DEPDC1B: variants seen among roughly 807,000 people sequenced by gnomAD.
DEPDC1B encodes the protein DEP domain containing 1B.
DEPDC1B carries 51 observed loss-of-function variants against 66.5 expected under a neutral mutation model. The observed-to-expected ratio is 0.77, with a 90% CI of 0.61 to 0.97. The LOEUF (loss-of-function observed/expected upper bound fraction) is 0.97. Ranked by LOEUF, DEPDC1B falls within the 50% of genes least tolerant of loss-of-function variation. DEPDC1B has a pLI of 0.00. For synonymous variants in DEPDC1B, 226 were observed against 223.6 expected, an observed-to-expected ratio of 1.01 and a Z score of -0.10; for missense variants, 552 against 637.1, an observed-to-expected ratio of 0.87 and a Z score of 1.44.
At chr5:60,642,934 T>C (rs1267232296) in intron 5 of DEPDC1B, 75 bp from the exon 6 acceptor site, 6 of 1,132,968 alleles carry the variant, frequency 5.3e-6, no homozygotes, top group Non-Finnish European at 7.7e-6. Flanking sequence ...ATCATAAGAA[T>C]GTATTACTTG....
chr5:60,667,454 C>A (rs977215928), intron 2 of DEPDC1B, among the ~76,000 whole-genome samples: 136 of 142,154 alleles, frequency 9.6e-4, no homozygotes, highest in Non-Finnish European at 1.6e-3. Flanking sequence ...GGATATTTTA[C>A]ATATATACAA....
At chr5:60,638,406 T>C (rs1192896067) in intron 7 of DEPDC1B, among the ~76,000 whole-genome samples, 6 of 152,222 alleles carry the variant, frequency 3.9e-5, no homozygotes, top group African/African-American at 7.2e-5. Flanking sequence ...CATGAAGTCA[T>C]AGCCAGAATA....
chr5:60,686,788 C>A (rs1320855674), intron 2 of DEPDC1B, among the ~76,000 whole-genome samples, 174 bp downstream of exon 2: 1 of 152,188 alleles, frequency 6.6e-6, no homozygotes. Flanking sequence ...CAAGAAAAAT[C>A]CCAGCTGGTT....
Position 60,616,266 on chromosome 5 carries a change from G to C in DEPDC1B, c.899-10410C>G, listed in dbSNP as rs911188297. Reference sequence around the variant, plus strand: ...TCCTCCAAAGGAACGCAGCTCCTCAGCAGCAACAGAACAAAGCTGGATGGA... The same window carrying C: ...TCCTCCAAAGGAACGCAGCTCCTCACCAGCAACAGAACAAAGCTGGATGGA... On this transcript the variant is annotated intron_variant, in intron 7 of 10. Coordinates refer to ENST00000265036, the MANE Select transcript of DEPDC1B (RefSeq NM_018369.3). 6.7e-4 allele frequency among the ~76,000 whole-genome samples: 102 copies of C among 152,294 alleles called. 2 individuals are homozygous for C. The highest frequency in any genetic ancestry group is 2.4e-3 in the African/African-American group (101 of 41,562).
intron 4 of DEPDC1B, 143 bp downstream of exon 4, chr5:60,645,347 CTA>C (rs1224956372): frequency 2.6e-6 from 2 of 769,990 alleles, no homozygotes; most frequent in African/African-American, 1.8e-5. Flanking sequence ...TTCAGTTAAA[CTA>C]TGTTTGCTGA....
intron 10 of DEPDC1B, among the ~76,000 whole-genome samples, chr5:60,598,551 T>C (rs937543889): frequency 1.3e-5 from 2 of 152,146 alleles, no homozygotes; most frequent in African/African-American, 4.8e-5. Context: ...AAAAGTAACA[T>C]ATTGTGAGTT....
At chr5:60,643,470 C>T (rs548752168) in intron 5 of DEPDC1B, among the ~76,000 whole-genome samples, 2 of 152,198 alleles carry the variant, frequency 1.3e-5, no homozygotes, top group Non-Finnish European at 2.9e-5. Flanking sequence ...CCACGCCCTG[C>T]CACAGACATC....
At position 60,693,634 on chromosome 5, in the gene DEPDC1B, C is replaced by T. The variant is rs1482234689; in HGVS notation, c.49-6407G>A. 2.0e-5 allele frequency among the ~76,000 whole-genome samples: 3 copies of T among 152,112 alleles called. No homozygotes were observed. The East Asian group carries it at 5.8e-4, about 29-fold the overall frequency. On this transcript the variant is annotated intron_variant, in intron 1 of 10. Coordinates refer to ENST00000265036, the MANE Select transcript of DEPDC1B (RefSeq NM_018369.3). The stretch of plus-strand genomic sequence containing the variant: ...GCAGGATACACAACTTAGCAAATGT[C>T]ATTCAGGTACTTAGTCTGTGAATAA...
intron 7 of DEPDC1B, among the ~76,000 whole-genome samples, chr5:60,615,265 G>C (rs1752517634): frequency 6.6e-6 from 1 of 152,158 alleles, no homozygotes; most frequent in African/African-American, 2.4e-5. Context: ...TGACATAACG[G>C]GTTCATCTCA....
intron 2 of DEPDC1B, among the ~76,000 whole-genome samples, chr5:60,656,742 A>C (rs112166795): frequency 0.012 from 1,887 of 152,216 alleles, 16 homozygotes; most frequent in Non-Finnish European, 0.02. Flanking sequence ...AAACCATCAG[A>C]TCTCATGAGA....
At chr5:60,617,590 A>C (rs975087355) in intron 7 of DEPDC1B, among the ~76,000 whole-genome samples, 1 of 152,232 alleles carries the variant, frequency 6.6e-6, no homozygotes, top group African/African-American at 2.4e-5. Context: ...AGAGCTAACT[A>C]TCCTAAATAT....
intron 1 of DEPDC1B, among the ~76,000 whole-genome samples, chr5:60,696,240 T>C (rs973470211): frequency 6.6e-6 from 1 of 152,238 alleles, no homozygotes; most frequent in Non-Finnish European, 1.5e-5. Flanking sequence ...TCAGAATGGA[T>C]TAACTGCTCT....
At chr5:60,632,495 C>G (rs554244991) in intron 7 of DEPDC1B, among the ~76,000 whole-genome samples, 1 of 152,222 alleles carries the variant, frequency 6.6e-6, no homozygotes, top group Non-Finnish European at 1.5e-5. Flanking sequence ...TCAGGCCCAG[C>G]GGCCACACGG....
At position 60,603,445 on chromosome 5, in the gene DEPDC1B, AG is replaced by A. The variant is rs1390249360; in HGVS notation, c.1187del (p.Pro396LeufsTer8). 6.2e-7 allele frequency: 1 copy of A among 1,612,402 alleles called. No individual in the cohort carries two copies. The highest frequency in any genetic ancestry group is 8.5e-7 in the Non-Finnish European group (1 of 1,179,396). ...CCTCTATAGAGGTCTGCAAGGCCAA[AG>A]GGACTTTCAGAATTTCCTGGTAATT... is the stretch of plus-strand genomic sequence containing the variant. ...MDNYQEILKV[P>X]LALQTSIEER... is the part of the protein sequence containing the mutation. On this transcript the variant is annotated frameshift_variant, in exon 9 of 11. Coordinates refer to ENST00000265036, the MANE Select transcript of DEPDC1B (RefSeq NM_018369.3). LOFTEE classifies it high-confidence loss of function.
intron 8 of DEPDC1B, among the ~76,000 whole-genome samples, chr5:60,603,846 T>TATATATATATATAC (rs1491589366): frequency 1.9e-4 from 26 of 134,390 alleles, no homozygotes; most frequent in Admixed American, 7.0e-4. Context: ...TATATATATA[T>TATATATATATATAC]ACACACACAT....
At chr5:60,699,770 G>A (rs1312090800) in intron 1 of DEPDC1B, among the ~76,000 whole-genome samples, 2 of 152,200 alleles carry the variant, frequency 1.3e-5, no homozygotes, top group East Asian at 3.9e-4. Context: ...CTGGTCTTGG[G>A]GTCTTTAAAC....
At chr5:60,697,179 G>C (rs1754675120) in intron 1 of DEPDC1B, among the ~76,000 whole-genome samples, 1 of 152,140 alleles carries the variant, frequency 6.6e-6, no homozygotes, top group South Asian at 2.1e-4. Context: ...TGGATAACTA[G>C]CTTCACATTT....
At chr5:60,635,896 T>C (rs970633620) in intron 7 of DEPDC1B, among the ~76,000 whole-genome samples, 1 of 152,200 alleles carries the variant, frequency 6.6e-6, no homozygotes, top group Non-Finnish European at 1.5e-5. Flanking sequence ...CATGGTGAAT[T>C]TATGTGGGCC....
chr5:60,598,127 C>G (rs996528255), intron 10 of DEPDC1B, among the ~76,000 whole-genome samples: 3 of 151,986 alleles, frequency 2.0e-5, no homozygotes, highest in Admixed American at 6.6e-5. Context: ...TCTGAAAATT[C>G]CCCCCACTGC....
Sources: gnomAD v4.1 joint callset for allele counts (sites outside exome capture counted in the v4.1 genomes callset) on GRCh38, gnomAD v4.1.1 for gene constraint, MANE v1.5 for transcripts, NCBI Gene and HGNC (gene_info 2026-07-23, HGNC 2026-07-21) for gene names.